Variants in OXCT1 observed in about 807,000 individuals in gnomAD.
OXCT1 encodes the protein 3-oxoacid CoA-transferase 1, also known as succinyl-CoA:3-ketoacid coenzyme A transferase 1, mitochondrial.
OXCT1 carries 27 observed loss-of-function variants against 69.6 expected under a neutral mutation model. That is an observed-to-expected ratio of 0.39 (90% CI 0.29 to 0.54). The LOEUF is 0.54. Among genes scored for constraint, OXCT1 ranks in the 20% least tolerant of loss-of-function variants. The pLI is 0.72. For missense variants in OXCT1, 437 were observed against 650.2 expected (o/e 0.67, Z 3.57); for synonymous variants, 202 against 217.8 (o/e 0.93, Z 0.64).
chr5:41,840,317 G>A (rs1222961969), intron 7 of OXCT1, 134 bp downstream of exon 7: 2 of 669,266 alleles, frequency 3.0e-6, no homozygotes, highest in Admixed American at 2.6e-5. Context: ...AGATAGAATG[G>A]ATCCATTTCC....
chr5:41,819,411 C>A (rs1000767446), intron 7 of OXCT1, among the ~76,000 whole-genome samples: 1 of 152,062 alleles, frequency 6.6e-6, no homozygotes, highest in Non-Finnish European at 1.5e-5. Flanking sequence ...TCACTCGTTA[C>A]CCAGGCTGGA....
chr5:41,870,413 G>C lies in OXCT1; in HGVS notation c.-55C>G. On this transcript the variant is annotated 5_prime_UTR_variant, in exon 1 of 17. Coordinates refer to ENST00000196371, the MANE Select transcript of OXCT1 (RefSeq NM_000436.4). This position sits in a 1 kb window ranked among gnomAD's most constrained non-coding sequence, Gnocchi z 4.2. ...GGGTTGGAGCGCGCGTTTGAGCGTC[G>C]GTGCGCGACTGCGAAGGAAACCCGG... The C allele has an allele frequency of 7.4e-7, 1 of 1,360,226 alleles. No individual in the cohort carries two copies. The highest frequency in any genetic ancestry group is 1.2e-5 in the South Asian group (1 of 84,478). 84.3% of individuals were successfully genotyped at this position (1,360,226 alleles called of 1,614,324 possible). A position where few individuals can be genotyped will look rare whatever the true frequency, so the allele number is the denominator to read the frequency against.
chr5:41,818,171 C>G (rs1747339759), intron 7 of OXCT1, among the ~76,000 whole-genome samples: 1 of 152,084 alleles, frequency 6.6e-6, no homozygotes, highest in African/African-American at 2.4e-5. Context: ...ACAAAGTGCT[C>G]ACAGTTTCAT....
At chr5:41,733,880 G>T (rs1210103527) in intron 16 of OXCT1, among the ~76,000 whole-genome samples, 1 of 152,148 alleles carries the variant, frequency 6.6e-6, no homozygotes, top group Non-Finnish European at 1.5e-5. Flanking sequence ...TGATCTGCAG[G>T]CTAAGCACAA....
Position 41,870,024 on chromosome 5 carries a change from T to C in OXCT1, c.78+257A>G. On this transcript the variant is annotated intron_variant, in intron 1 of 16. Coordinates refer to ENST00000196371, the MANE Select transcript of OXCT1 (RefSeq NM_000436.4). The surrounding 1 kb of genome is among the most constrained non-coding windows in gnomAD (Gnocchi z 4.2). The stretch of plus-strand genomic sequence containing the variant: ...CTGCCAGGAGTCCTCCCGCCCCTTC[T>C]CAGCCTCTCCGCGCGCTTCTTTATC... 1 of 522,452 alleles carries C rather than the reference T, an allele frequency of 1.9e-6. No homozygotes were observed. The highest frequency in any genetic ancestry group is 3.4e-5 in the East Asian group (1 of 29,214). 32.4% of individuals were successfully genotyped at this position (522,452 alleles called of 1,614,324 possible). A position where few individuals can be genotyped will look rare whatever the true frequency, so the allele number is the denominator to read the frequency against.
chr5:41,844,868 C>T (rs1436993187), intron 5 of OXCT1, among the ~76,000 whole-genome samples: 1 of 151,392 alleles, frequency 6.6e-6, no homozygotes, highest in Non-Finnish European at 1.5e-5. Flanking sequence ...GGTCTAGCCA[C>T]CTTCCATTCC....
At chr5:41,804,160 T>C (rs1012371796) in intron 9 of OXCT1, among the ~76,000 whole-genome samples, 1 of 152,154 alleles carries the variant, frequency 6.6e-6, no homozygotes, top group African/African-American at 2.4e-5. Context: ...TTATAGCTAC[T>C]GGGTTTACCT....
chr5:41,794,885 G>T, intron 11 of OXCT1, 136 bp from the exon 12 acceptor site: 6 of 841,290 alleles, frequency 7.1e-6, no homozygotes, highest in Non-Finnish European at 1.1e-5. Flanking sequence ...CATAGCAGGT[G>T]GGGGGACACA....
chr5:41,737,493 A>C (rs1352885933), intron 16 of OXCT1, among the ~76,000 whole-genome samples: 5 of 152,220 alleles, frequency 3.3e-5, no homozygotes, highest in South Asian at 4.1e-4. Context: ...TCTGATGAAG[A>C]GGTTAATTCT....
chr5:41,867,400 C>A (rs1750042465), intron 1 of OXCT1, among the ~76,000 whole-genome samples: 1 of 152,166 alleles, frequency 6.6e-6, no homozygotes, highest in Non-Finnish European at 1.5e-5. Flanking sequence ...TAAATAATTA[C>A]AAAATTTTAA....
chr5:41,853,107 T>TAA, intron 4 of OXCT1, among the ~76,000 whole-genome samples: 1 of 152,282 alleles, frequency 6.6e-6, no homozygotes, highest in African/African-American at 2.4e-5. Flanking sequence ...ATAAATTAAC[T>TAA]TTTTAGGATG....
chr5:41,739,522 C>A (rs375883294), intron 15 of OXCT1, 31 bp from the exon 16 acceptor site: 8 of 1,428,308 alleles, frequency 5.6e-6, no homozygotes, highest in Non-Finnish European at 7.9e-6. Context: ...AGGACAATGA[C>A]AATTTCCATC....
At chr5:41,851,553 C>G (rs1749174037) in intron 4 of OXCT1, among the ~76,000 whole-genome samples, 1 of 152,048 alleles carries the variant, frequency 6.6e-6, no homozygotes, top group African/African-American at 2.4e-5. Context: ...TAGGTGCCAC[C>G]AGCTCCTTAC....
chr5:41,802,099 C>G (rs1435298560), intron 10 of OXCT1, among the ~76,000 whole-genome samples: 1 of 152,040 alleles, frequency 6.6e-6, no homozygotes, highest in Non-Finnish European at 1.5e-5. Flanking sequence ...AATTTGATCA[C>G]TCTAGATAAT....
At chr5:41,862,410 A>G (rs1189769731) in intron 2 of OXCT1, among the ~76,000 whole-genome samples, 1 of 152,230 alleles carries the variant, frequency 6.6e-6, no homozygotes, top group African/African-American at 2.4e-5. Context: ...ACACACAAAT[A>G]CACATACACA....
At chr5:41,849,799 A>T (rs913003276) in intron 5 of OXCT1, among the ~76,000 whole-genome samples, 18 of 152,188 alleles carry the variant, frequency 1.2e-4, no homozygotes, top group Admixed American at 1.2e-3. Context: ...CTTGACTAGT[A>T]CACCATATGT....
intron 13 of OXCT1, among the ~76,000 whole-genome samples, chr5:41,774,709 C>T (rs1173428250): frequency 6.6e-6 from 1 of 152,094 alleles, no homozygotes; most frequent in Non-Finnish European, 1.5e-5. Flanking sequence ...TCCTGGCTAA[C>T]ACGGTAAAAC....
Position 41,807,354 on chromosome 5 carries a change from C to A in OXCT1, c.817G>T (p.Glu273Ter). 1 of 1,578,532 alleles carries A rather than the reference C, an allele frequency of 6.3e-7. No homozygotes were observed. Residue 273 changes from glutamate (E) to a stop codon, truncating the protein, a stop_gained, in exon 8 of 17, where the codon GAA (glutamate) becomes TAA (stop). Coordinates refer to ENST00000196371, the MANE Select transcript of OXCT1 (RefSeq NM_000436.4). LOFTEE classifies it high-confidence loss of function. ...QIYVHRLIKG[E>*]KYEKRIERLS... ...ACCTCAATTCTTTTCTCATATTTTT[C>A]TCCCTTTATAAGGCGATGTACATAA...
Position 41,730,339 on chromosome 5 carries a change from T to C in OXCT1, c.*1390A>G, listed in dbSNP as rs1444998471. ...ACCATGTGGTCAGCCAGAAAGGCTGTTTTATATATGGTGTGTGTTACTCAT... is the reference window on the plus strand; with the variant it reads ...ACCATGTGGTCAGCCAGAAAGGCTGCTTTATATATGGTGTGTGTTACTCAT... On this transcript the variant is annotated 3_prime_UTR_variant, in exon 17 of 17. Coordinates refer to ENST00000196371, the MANE Select transcript of OXCT1 (RefSeq NM_000436.4). The C allele has an allele frequency of 1.3e-5, 2 of 152,266 alleles. No individual in the cohort carries two copies. Among genetic ancestry groups the C allele is most frequent in the African/African-American group, 4.8e-5 (2 of 41,466 alleles). The allele number at this position is 152,266 out of a possible 1,614,324, so 9.4% of individuals were successfully genotyped here.
Sources: allele counts gnomAD v4.1 joint callset (sites outside exome capture counted in the v4.1 genomes callset), GRCh38; gene constraint gnomAD v4.1.1; non-coding constraint Gnocchi (gnomAD v3.1); transcripts MANE v1.5; gene names NCBI Gene and HGNC (gene_info 2026-07-23, HGNC 2026-07-21).